Variants in NEGR1 observed in about 807,000 individuals in gnomAD.
NEGR1 encodes the protein neuronal growth regulator 1.
A neutral mutation model predicts 40.9 loss-of-function variants in NEGR1; 10 were observed. The ratio of observed to expected loss-of-function variants is 0.24; its 90% CI spans 0.15 to 0.42. NEGR1 has a LOEUF of 0.42. Ranked by LOEUF, NEGR1 falls within the 10% of genes least tolerant of loss-of-function variation. The pLI is 1.00. For synonymous variants in NEGR1, 185 were observed against 166.8 expected (o/e 1.11, Z -0.84); for missense variants, 352 against 438.9 (o/e 0.80, Z 1.77).
At chr1:71,661,417 TA>T (rs1214619552) in intron 4 of NEGR1, among the ~76,000 whole-genome samples, 4 of 152,290 alleles carry the variant, frequency 2.6e-5, no homozygotes, top group African/African-American at 9.6e-5. Flanking sequence ...CTGTATAATG[TA>T]AAGGATGAGT....
At chr1:71,667,717 A>T (rs1409900793) in intron 4 of NEGR1, among the ~76,000 whole-genome samples, 1 of 152,110 alleles carries the variant, frequency 6.6e-6, no homozygotes, top group Non-Finnish European at 1.5e-5. Flanking sequence ...AGTATAGCAA[A>T]ATTTCTAAAG....
rs1455927160 is a variant in NEGR1 at position 71,652,301 on chromosome 1, CT to C, written c.668-41156del. Among the ~76,000 whole-genome samples, 5 of 152,246 alleles carry C rather than the reference CT, an allele frequency of 3.3e-5. No individual in the cohort carries two copies. The East Asian group carries it at 9.6e-4, about 29-fold the overall frequency. On this transcript the variant is annotated intron_variant, in intron 4 of 6. Coordinates refer to ENST00000357731, the MANE Select transcript of NEGR1 (RefSeq NM_173808.3). ...TTTTTTACACTATCAATTACTCAGT[CT>C]TTGGTAAAAAGTAATTTGGTTAGCT... is the stretch of plus-strand genomic sequence containing the variant.
rs531778806 is a variant in NEGR1, at chr1:72,028,625, T to C, written c.177-93314A>G. ...AAGTGATTTCATGTCACTGTCCTTGTACACACTGATACCTTTACCTAGTAT... is the reference window on the plus strand; with the variant it reads ...AAGTGATTTCATGTCACTGTCCTTGCACACACTGATACCTTTACCTAGTAT... On this transcript the variant is annotated intron_variant, in intron 1 of 6. Transcript: ENST00000357731. 5.9e-5 allele frequency among the ~76,000 whole-genome samples: 9 copies of C among 152,370 alleles called. No individual in the cohort carries two copies. The East Asian group carries it at 1.7e-3, about 29-fold the overall frequency.
At chr1:71,494,924 C>T (rs1408758309) in intron 6 of NEGR1, among the ~76,000 whole-genome samples, 1 of 152,122 alleles carries the variant, frequency 6.6e-6, no homozygotes, top group Non-Finnish European at 1.5e-5. Context: ...TTCTCTTTCT[C>T]TTCCTCTTCA....
chr1:71,722,300 G>C (rs2101654557), intron 3 of NEGR1, among the ~76,000 whole-genome samples: 1 of 152,012 alleles, frequency 6.6e-6, no homozygotes, highest in East Asian at 1.9e-4. Context: ...CCTAACCTTA[G>C]AAAAACATTT....
At chr1:72,003,823 T>C (rs1203814276) in intron 1 of NEGR1, among the ~76,000 whole-genome samples, 1 of 152,154 alleles carries the variant, frequency 6.6e-6, no homozygotes, top group Non-Finnish European at 1.5e-5. Context: ...AATGTTTTAC[T>C]CTAATTCAGA....
At chr1:71,530,924 A>C (rs1343897240) in intron 6 of NEGR1, among the ~76,000 whole-genome samples, 1 of 150,878 alleles carries the variant, frequency 6.6e-6, no homozygotes, top group Non-Finnish European at 1.5e-5. Context: ...TTTCCCCCAA[A>C]TTTAACCTAC....
At chr1:72,008,055 ATT>A (rs952205687) in intron 1 of NEGR1, among the ~76,000 whole-genome samples, 1 of 151,572 alleles carries the variant, frequency 6.6e-6, no homozygotes, top group Non-Finnish European at 1.5e-5. Context: ...GTGTTTGGAG[ATT>A]TTTTTTTCTC....
intron 6 of NEGR1, among the ~76,000 whole-genome samples, chr1:71,503,234 C>T (rs1371778879): frequency 1.3e-5 from 2 of 152,132 alleles, no homozygotes; most frequent in Non-Finnish European, 2.9e-5. Context: ...TTGGGTGTGC[C>T]AAGCTTTAAT....
chr1:72,271,053 C>T (rs1313410653), intron 1 of NEGR1, among the ~76,000 whole-genome samples: 2 of 151,790 alleles, frequency 1.3e-5, no homozygotes, highest in Non-Finnish European at 1.5e-5. Context: ...GGCTTTTGTT[C>T]AAGGTCACAT....
intron 3 of NEGR1, among the ~76,000 whole-genome samples, chr1:71,722,145 T>C (rs373321732): frequency 4.3e-4 from 66 of 152,176 alleles, no homozygotes; most frequent in African/African-American, 1.5e-3. Flanking sequence ...CTCTGGAGAA[T>C]AGATTGAGGA....
chr1:72,044,647 G>A (rs1646985812), intron 1 of NEGR1, among the ~76,000 whole-genome samples: 1 of 151,748 alleles, frequency 6.6e-6, no homozygotes, highest in African/African-American at 2.4e-5. Context: ...CTTTCATTCA[G>A]TGAAAAAACA....
intron 1 of NEGR1, among the ~76,000 whole-genome samples, chr1:72,121,028 A>G (rs1441054798): frequency 6.6e-6 from 1 of 152,134 alleles, no homozygotes; most frequent in Non-Finnish European, 1.5e-5. Flanking sequence ...CTATTTAAAC[A>G]TTGAATTTTG....
At chr1:71,860,388 C>T (rs971875611) in intron 2 of NEGR1, among the ~76,000 whole-genome samples, 1 of 151,938 alleles carries the variant, frequency 6.6e-6, no homozygotes, top group Non-Finnish European at 1.5e-5. Flanking sequence ...AATCTATTCA[C>T]AATCTTTGCC....
intron 6 of NEGR1, among the ~76,000 whole-genome samples, chr1:71,513,824 C>T (rs945517029): frequency 6.6e-6 from 1 of 150,962 alleles, no homozygotes; most frequent in African/African-American, 2.4e-5. Context: ...GGGTTCATCT[C>T]ACTAGGGAGT....
At chr1:71,871,416 C>G (rs1192915356) in intron 2 of NEGR1, among the ~76,000 whole-genome samples, 1 of 152,072 alleles carries the variant, frequency 6.6e-6, no homozygotes, top group Non-Finnish European at 1.5e-5. Flanking sequence ...CAGGTCACCT[C>G]TTATCACACC....
chr1:72,251,532 C>T (rs992166375), intron 1 of NEGR1, among the ~76,000 whole-genome samples: 8 of 152,220 alleles, frequency 5.3e-5, no homozygotes, highest in African/African-American at 1.7e-4. Flanking sequence ...TTATATAAAA[C>T]GGCATAATAT....
At chr1:71,700,033 C>T (rs549046857) in intron 3 of NEGR1, among the ~76,000 whole-genome samples, 14 of 151,782 alleles carry the variant, frequency 9.2e-5, no homozygotes, top group South Asian at 4.2e-4. Context: ...ATCAGCAGTG[C>T]GAAAGCGAAC....
intron 3 of NEGR1, among the ~76,000 whole-genome samples, chr1:71,723,469 G>A (rs1271221236): frequency 6.6e-6 from 1 of 152,042 alleles, no homozygotes; most frequent in Non-Finnish European, 1.5e-5. Flanking sequence ...AGCTAATCAT[G>A]AATGGTTAAT....
Sources: allele counts gnomAD v4.1 joint callset (sites outside exome capture counted in the v4.1 genomes callset), GRCh38; gene constraint gnomAD v4.1.1; transcripts MANE v1.5; gene names NCBI Gene and HGNC (gene_info 2026-07-23, HGNC 2026-07-21).